Variants in KIF13B observed in about 807,000 individuals in gnomAD.
KIF13B encodes the protein kinesin-like protein KIF13B.
Under a neutral mutation model 222.0 loss-of-function variants are expected in KIF13B, and 127 were observed. The observed-to-expected ratio is 0.57, with a 90% CI of 0.50 to 0.66. The LOEUF (loss-of-function observed/expected upper bound fraction) is 0.66. KIF13B is among the 30% of genes least tolerant of loss of function. The pLI is 0.00. For missense variants in KIF13B, 2,173 were observed against 2,379.0 expected, an observed-to-expected ratio of 0.91 and a Z score of 1.80; for synonymous variants, 976 against 919.0, an observed-to-expected ratio of 1.06 and a Z score of -1.12.
chr8:29,243,588 G>A (rs537167493), intron 2 of KIF13B, among the ~76,000 whole-genome samples: 94 of 151,936 alleles, frequency 6.2e-4, no homozygotes, highest in African/African-American at 2.2e-3. Context: ...CCCAGGAAGC[G>A]GAGGCTGGAG....
chr8:29,224,892 A>G (rs564746347), intron 2 of KIF13B, among the ~76,000 whole-genome samples: 5 of 152,366 alleles, frequency 3.3e-5, no homozygotes, highest in African/African-American at 1.2e-4. Context: ...AAATGAATAC[A>G]AACAGTGAGG....
At chr8:29,132,636 AG>A (rs1214168619) in intron 22 of KIF13B, among the ~76,000 whole-genome samples, 171 bp from the exon 23 acceptor site, 1 of 152,202 alleles carries the variant, frequency 6.6e-6, no homozygotes, top group Non-Finnish European at 1.5e-5. Flanking sequence ...AGATGGCAAA[AG>A]GTTCTTGACT....
chr8:29,085,849 CAAAAAAAAAAAA>C (rs752162185), intron 37 of KIF13B, among the ~76,000 whole-genome samples: 3 of 67,368 alleles, frequency 4.5e-5, no homozygotes, highest in South Asian at 5.4e-4. Flanking sequence ...GAGCCCGTAA[CAAAAAAAAAAAA>C]AAAAAAAAAA....
rs114725388 is a variant in KIF13B at position 29,221,839 on chromosome 8, C to T, written c.149+23507G>A. On this transcript the variant is annotated intron_variant, in intron 2 of 39. Coordinates refer to ENST00000524189, the MANE Select transcript of KIF13B (RefSeq NM_015254.4). ...CAACATATCCATTGGTATCAAAATACCATAAAATTTGGTATTTGGGTATTT... is the reference window on the plus strand; with the variant it reads ...CAACATATCCATTGGTATCAAAATATCATAAAATTTGGTATTTGGGTATTT... 6.0e-3 allele frequency among the ~76,000 whole-genome samples: 910 copies of T among 152,224 alleles called. 8 individuals carry two copies. Among genetic ancestry groups the T allele is most frequent in the African/African-American group, 0.02 (835 of 41,528 alleles).
intron 14 of KIF13B, among the ~76,000 whole-genome samples, chr8:29,151,724 T>C (rs774515951): frequency 3.3e-5 from 5 of 152,142 alleles, no homozygotes; most frequent in East Asian, 1.9e-4. Context: ...TTACTGCTCA[T>C]TGATAATGCA....
intron 19 of KIF13B, 125 bp downstream of exon 19, chr8:29,142,032 C>A (rs1168950890): frequency 3.1e-6 from 2 of 640,956 alleles, no homozygotes; most frequent in Non-Finnish European, 2.6e-6. Context: ...TTAAAATAAA[C>A]CTTACTCCAG....
intron 37 of KIF13B, among the ~76,000 whole-genome samples, chr8:29,088,127 A>G (rs1053320642): frequency 1.3e-4 from 20 of 151,904 alleles, no homozygotes; most frequent in Non-Finnish European, 2.1e-4. Context: ...TTTGCGGGGC[A>G]TGGTGGCGGG....
At chr8:29,213,192 T>C (rs17059798) in intron 2 of KIF13B, among the ~76,000 whole-genome samples, 95 of 152,294 alleles carry the variant, frequency 6.2e-4, no homozygotes, top group African/African-American at 2.2e-3. Context: ...TACTTCACGC[T>C]GCTGTGCATC....
intron 11 of KIF13B, among the ~76,000 whole-genome samples, chr8:29,167,142 T>C (rs1156780078): frequency 1.3e-5 from 2 of 152,214 alleles, no homozygotes; most frequent in Non-Finnish European, 2.9e-5. Context: ...GCAAACATTT[T>C]CTCAATTCTA....
In KIF13B at chr8:29,108,212, G is replaced by T. The variant is rs938441142; in HGVS notation, c.4162-20C>A. On this transcript the variant is annotated intron_variant, in intron 34 of 39. Transcript: ENST00000524189. Reference sequence around the variant, plus strand: ...AGACAACTGAAGAAGAAAGAAAGGGGGGTTAGTTATTTATGCATCAGAGCA... The same window carrying T: ...AGACAACTGAAGAAGAAAGAAAGGGTGGTTAGTTATTTATGCATCAGAGCA... 2 of 1,608,584 alleles carry T rather than the reference G, an allele frequency of 1.2e-6. No individual in the cohort carries two copies. The highest frequency in any genetic ancestry group is 1.3e-5 in the African/African-American group (1 of 74,852).
chr8:29,247,750 C>CT (rs1816092631), intron 1 of KIF13B, among the ~76,000 whole-genome samples: 1 of 143,858 alleles, frequency 7.0e-6, no homozygotes, highest in African/African-American at 2.6e-5. Context: ...AGGAGGATGG[C>CT]TTGAGGCAGG....
At chr8:29,178,548 G>A (rs1812577596) in intron 8 of KIF13B, among the ~76,000 whole-genome samples, 1 of 150,896 alleles carries the variant, frequency 6.6e-6, no homozygotes, top group African/African-American at 2.4e-5. Flanking sequence ...TCTATAGACT[G>A]AATCATTTTT....
chr8:29,141,135 A>T (rs1810799345), intron 19 of KIF13B, among the ~76,000 whole-genome samples: 1 of 152,170 alleles, frequency 6.6e-6, no homozygotes, highest in African/African-American at 2.4e-5. Context: ...AGAGTTTGAG[A>T]CCAGCCTGCC....
intron 10 of KIF13B, among the ~76,000 whole-genome samples, chr8:29,170,345 T>C (rs1812183952): frequency 6.6e-6 from 1 of 152,194 alleles, no homozygotes; most frequent in Non-Finnish European, 1.5e-5. Flanking sequence ...TTTTCAAAGG[T>C]CACAGAGCTG....
intron 2 of KIF13B, among the ~76,000 whole-genome samples, chr8:29,222,959 T>G (rs2130538326): frequency 6.6e-6 from 1 of 152,242 alleles, no homozygotes; most frequent in Non-Finnish European, 1.5e-5. Flanking sequence ...TTATGTGATC[T>G]AACAATTTGA....
intron 10 of KIF13B, among the ~76,000 whole-genome samples, chr8:29,168,223 A>G (rs1284957038): frequency 6.6e-6 from 1 of 152,274 alleles, no homozygotes; most frequent in Non-Finnish European, 1.5e-5. Flanking sequence ...AATGGTCCTG[A>G]GAAGAGATAC....
At chr8:29,178,493 G>A (rs191182752) in intron 8 of KIF13B, among the ~76,000 whole-genome samples, 111 of 151,818 alleles carry the variant, frequency 7.3e-4, no homozygotes, top group African/African-American at 2.6e-3. Context: ...AACATACTTC[G>A]TACTTCAATA....
chr8:29,113,628 G>T, intron 31 of KIF13B, 73 bp from the exon 32 acceptor site: 2 of 842,848 alleles, frequency 2.4e-6, no homozygotes, highest in Non-Finnish European at 3.9e-6. Flanking sequence ...AAGACAGCAT[G>T]GAAAATACTG....
At chr8:29,176,937 G>A (rs1347196388) in intron 9 of KIF13B, among the ~76,000 whole-genome samples, 1 of 152,172 alleles carries the variant, frequency 6.6e-6, no homozygotes, top group Non-Finnish European at 1.5e-5. Context: ...GTTTAGTAAA[G>A]GAAAAGCTCA....
Sources: allele counts gnomAD v4.1 joint callset (sites outside exome capture counted in the v4.1 genomes callset), GRCh38; gene constraint gnomAD v4.1.1; transcripts MANE v1.5; gene names NCBI Gene and HGNC (gene_info 2026-07-23, HGNC 2026-07-21).